Variants in WDR27 observed in about 807,000 individuals in gnomAD.
WDR27 encodes the protein WD repeat-containing protein 27.
Under a neutral mutation model 114.4 loss-of-function variants are expected in WDR27, and 100 were observed. The observed-to-expected ratio is 0.87, with a 90% CI of 0.74 to 1.03. The LOEUF is 1.03. Ranked by LOEUF, WDR27 falls within the 50% of genes least tolerant of loss-of-function variation. The pLI is 0.00. For missense variants in WDR27, 1,129 were observed against 1,092.9 expected, an observed-to-expected ratio of 1.03 and a Z score of -0.47; for synonymous variants, 449 against 423.1, an observed-to-expected ratio of 1.06 and a Z score of -0.75.
At chr6:169,584,006 C>T (rs1402638786) in intron 23 of WDR27, among the ~76,000 whole-genome samples, 1 of 152,142 alleles carries the variant, frequency 6.6e-6, no homozygotes, top group African/African-American at 2.4e-5. Flanking sequence ...ACGTTAGATA[C>T]CTGGACTTCT....
intron 25 of WDR27, among the ~76,000 whole-genome samples, chr6:169,566,230 C>T (rs1037287409): frequency 1.3e-5 from 2 of 152,220 alleles, no homozygotes; most frequent in African/African-American, 4.8e-5. Flanking sequence ...CTAGACAAAG[C>T]TCTGATTCTG....
chr6:169,690,190 T>C (rs1178390555), intron 1 of WDR27, among the ~76,000 whole-genome samples: 33 of 151,748 alleles, frequency 2.2e-4, no homozygotes, highest in Non-Finnish European at 1.5e-5. Context: ...GTCATATGGA[T>C]TCAGAGGATC....
intron 22 of WDR27, among the ~76,000 whole-genome samples, chr6:169,610,331 T>A (rs892751099): frequency 6.6e-6 from 1 of 152,148 alleles, no homozygotes; most frequent in East Asian, 1.9e-4. Flanking sequence ...ACTGGGCAAT[T>A]TACAGAAGAA....
intron 25 of WDR27, among the ~76,000 whole-genome samples, chr6:169,538,885 A>G (rs955233105): frequency 6.6e-6 from 1 of 152,184 alleles, no homozygotes; most frequent in African/African-American, 2.4e-5. Flanking sequence ...TGAAATACAC[A>G]CATTACAGAC....
intron 23 of WDR27, among the ~76,000 whole-genome samples, chr6:169,593,867 A>ACAAG (rs1451892133): frequency 1.0e-5 from 1 of 98,132 alleles, no homozygotes; most frequent in African/African-American, 2.6e-5. Context: ...AAACAAACAA[A>ACAAG]CAAACAAACA....
chr6:169,562,630 C>A (rs907712352), intron 25 of WDR27, among the ~76,000 whole-genome samples: 1 of 151,998 alleles, frequency 6.6e-6, no homozygotes, highest in African/African-American at 2.4e-5. Context: ...TGCCAGGCTG[C>A]GTGAGTGCCC....
At chr6:169,440,088 C>A in the WDR27 span, among the ~76,000 whole-genome samples, 1 of 152,152 alleles carries the variant, frequency 6.6e-6, no homozygotes, top group Non-Finnish European at 1.5e-5. Context: ...GAGATTCAAT[C>A]ATTATGCTTG....
At chr6:169,700,718 C>T (rs1787715701) in intron 1 of WDR27, among the ~76,000 whole-genome samples, 1 of 152,236 alleles carries the variant, frequency 6.6e-6, no homozygotes, top group African/African-American at 2.4e-5. Context: ...TGAATTGCTA[C>T]AGCACTTAAC....
chr6:169,519,551 C>A (rs539671413), intron 25 of WDR27, among the ~76,000 whole-genome samples: 3 of 151,952 alleles, frequency 2.0e-5, no homozygotes, highest in Admixed American at 2.0e-4. Flanking sequence ...ACTTAAACAA[C>A]CAGATCTCAT....
chr6:169,603,899 T>C (rs1158851190), intron 22 of WDR27, among the ~76,000 whole-genome samples: 1 of 152,184 alleles, frequency 6.6e-6, no homozygotes, highest in Non-Finnish European at 1.5e-5. Context: ...AATTTTAAAA[T>C]TTTTGAAATG....
chr6:169,635,925 T>C (rs1316950203), intron 19 of WDR27, among the ~76,000 whole-genome samples: 1 of 152,258 alleles, frequency 6.6e-6, no homozygotes, highest in Non-Finnish European at 1.5e-5. Context: ...ATTCCCTCTG[T>C]AATATTTTAT....
chr6:169,575,177 A>T (rs1484800072), intron 24 of WDR27, among the ~76,000 whole-genome samples: 1 of 152,008 alleles, frequency 6.6e-6, no homozygotes, highest in Non-Finnish European at 1.5e-5. Flanking sequence ...TGCATGAGCC[A>T]ATTCACATAA....
chr6:169,613,675 A>T lies in WDR27; in HGVS notation c.2224-19T>A. Reference sequence around the variant, plus strand: ...ATGAACCCTATAATTTTAAGGGGGAAATCAAGATGTACTTTCAAAGGTTGA... The same window carrying T: ...ATGAACCCTATAATTTTAAGGGGGATATCAAGATGTACTTTCAAAGGTTGA... On this transcript the variant is annotated intron_variant, in intron 21 of 25. Transcript: ENST00000448612. 1 of 1,592,970 alleles carries T rather than the reference A, an allele frequency of 6.3e-7. No individual in the cohort carries two copies. Among genetic ancestry groups the T allele is most frequent in the South Asian group, 1.1e-5 (1 of 90,324 alleles).
chr6:169,636,602 T>A, intron 18 of WDR27, 98 bp from the exon 19 acceptor site: 1 of 1,259,506 alleles, frequency 7.9e-7, no homozygotes, highest in Non-Finnish European at 1.1e-6. Flanking sequence ...ACCCAACATC[T>A]ATTTGTTCTA....
chr6:169,567,545 C>T (rs969953868), intron 25 of WDR27, among the ~76,000 whole-genome samples: 4 of 152,146 alleles, frequency 2.6e-5, no homozygotes, highest in Admixed American at 2.6e-4. Flanking sequence ...TCACACACAG[C>T]ACCAGGCGCA....
intron 25 of WDR27, among the ~76,000 whole-genome samples, chr6:169,504,617 A>AT (rs911384931): frequency 4.6e-5 from 7 of 151,746 alleles, no homozygotes; most frequent in Non-Finnish European, 7.4e-5. Flanking sequence ...TTAAAAAAAG[A>AT]TTTTTTTTTG....
At chr6:169,589,631 T>C (rs2128151847) in intron 23 of WDR27, among the ~76,000 whole-genome samples, 1 of 152,278 alleles carries the variant, frequency 6.6e-6, no homozygotes, top group South Asian at 2.1e-4. Flanking sequence ...TCATGACAAC[T>C]TTACATGTGA....
chr6:169,529,314 G>C lies in WDR27; in HGVS notation c.2645+43105C>G, dbSNP rs1489724770. On this transcript the variant is annotated intron_variant, in intron 25 of 25. Coordinates refer to ENST00000448612, the MANE Select transcript of WDR27 (RefSeq NM_182552.5). ...CACGTTAACGGTGGTGACCTCTGCG[G>C]GGGGGGGGGGCAGCTAATGCTAATA... 9.2e-5 allele frequency among the ~76,000 whole-genome samples: 5 copies of C among 54,222 alleles called. No homozygotes were observed. The South Asian group carries it at 2.1e-3, about 22-fold the overall frequency. 35.6% of individuals were successfully genotyped at this position (54,222 alleles called of 152,430 possible).
chr6:169,526,837 T>C (rs1795021502), intron 25 of WDR27, among the ~76,000 whole-genome samples: 1 of 152,112 alleles, frequency 6.6e-6, no homozygotes, highest in Non-Finnish European at 1.5e-5. Context: ...AATTTTAAAA[T>C]GGGCAAATAA....
Sources: gnomAD v4.1 joint callset for allele counts (sites outside exome capture counted in the v4.1 genomes callset) on GRCh38, gnomAD v4.1.1 for gene constraint, MANE v1.5 for transcripts, NCBI Gene and HGNC (gene_info 2026-07-23, HGNC 2026-07-21) for gene names.